The following TUT4 variants were observed in gnomAD, a reference collection of about 807,000 sequenced individuals.
TUT4 encodes terminal uridylyltransferase 4.
Under a neutral mutation model 192.2 loss-of-function variants are expected in TUT4, and 36 were observed. The observed-to-expected ratio is 0.19, with a 90% CI of 0.14 to 0.25. The LOEUF (loss-of-function observed/expected upper bound fraction) is 0.25. Among genes scored for constraint, TUT4 ranks in the 10% least tolerant of loss-of-function variants. The pLI is 1.00. For synonymous variants in TUT4, 618 were observed against 666.0 expected (o/e 0.93, Z 1.11); for missense variants, 1,493 against 1,957.2 (o/e 0.76, Z 4.47).
intron 1 of TUT4, among the ~76,000 whole-genome samples, chr1:52,543,976 C>G (rs189905472): frequency 6.6e-6 from 1 of 152,080 alleles, no homozygotes; most frequent in East Asian, 1.9e-4. Context: ...ACTTCCTAGT[C>G]GCAAAACTTA....
At chr1:52,479,559 C>T (rs1055214176) in intron 11 of TUT4, among the ~76,000 whole-genome samples, 4 of 151,972 alleles carry the variant, frequency 2.6e-5, no homozygotes, top group African/African-American at 9.7e-5. Context: ...AGGATGACTC[C>T]AAGGTTAACC....
intron 2 of TUT4, among the ~76,000 whole-genome samples, chr1:52,523,194 T>C (rs926499507): frequency 6.6e-6 from 1 of 151,642 alleles, no homozygotes; most frequent in Non-Finnish European, 1.5e-5. Flanking sequence ...GATTTCACCA[T>C]GTTGGCCAGG....
At chr1:52,490,609 A>T in intron 8 of TUT4, 123 bp downstream of exon 8, 2 of 668,238 alleles carry the variant, frequency 3.0e-6, no homozygotes, top group Non-Finnish European at 4.9e-6. Flanking sequence ...AATAGAAACT[A>T]GCTTAGTCAT....
At chr1:52,458,484 A>C (rs1203445389) in intron 19 of TUT4, 35 bp from the exon 20 acceptor site, 2 of 1,490,054 alleles carry the variant, frequency 1.3e-6, no homozygotes, top group South Asian at 2.3e-5. Context: ...AAAACTTCAG[A>C]GTCTTACTCC....
At chr1:52,495,052 G>A (rs1223916732) in intron 6 of TUT4, among the ~76,000 whole-genome samples, 1 of 152,032 alleles carries the variant, frequency 6.6e-6, no homozygotes, top group Non-Finnish European at 1.5e-5. Context: ...TTTTGGAAAT[G>A]AGAAAACTGA....
chr1:52,476,608 AT>A (rs1285468756), intron 12 of TUT4, among the ~76,000 whole-genome samples: 1 of 152,002 alleles, frequency 6.6e-6, no homozygotes, highest in Admixed American at 6.6e-5. Context: ...CTTTAAAAAG[AT>A]TTTTCTACTT....
At chr1:52,528,178 C>CAAAAAAAAA (rs1557967335) in intron 1 of TUT4, among the ~76,000 whole-genome samples, 5 of 143,370 alleles carry the variant, frequency 3.5e-5, no homozygotes, top group African/African-American at 7.8e-5. Context: ...GACTCCATCT[C>CAAAAAAAAA]GAAAAAAATA....
At chr1:52,539,696 G>GTCAGAGT (rs1269621240) in intron 1 of TUT4, among the ~76,000 whole-genome samples, 1 of 151,322 alleles carries the variant, frequency 6.6e-6, no homozygotes, top group African/African-American at 2.4e-5. Context: ...AGGTCCTGAG[G>GTCAGAGT]TCAGAGTTTG....
intron 1 of TUT4, among the ~76,000 whole-genome samples, chr1:52,537,666 A>C (rs1558002411): frequency 6.6e-6 from 1 of 152,160 alleles, no homozygotes; most frequent in Non-Finnish European, 1.5e-5. Flanking sequence ...TAATCTCAGC[A>C]CTTCGAGAGG....
In TUT4 at chr1:52,495,414, T is replaced by C. The variant is rs773191390; in HGVS notation, c.1266+13A>G. 1 of 1,526,064 alleles carries C rather than the reference T, an allele frequency of 6.6e-7. No individual in the cohort carries two copies. Among genetic ancestry groups the C allele is most frequent in the South Asian group, 1.2e-5 (1 of 86,492 alleles). The allele number at this position is 1,526,064 out of a possible 1,614,324, so 94.5% of individuals were successfully genotyped here. A position where few individuals can be genotyped will look rare whatever the true frequency, so the allele number is the denominator to read the frequency against. Reference sequence around the variant, plus strand: ...TAGTTAAGAACCACACAGGAAAGATTCTAATTACTTACCTTGGGAGGAAAT... The same window carrying C: ...TAGTTAAGAACCACACAGGAAAGATCCTAATTACTTACCTTGGGAGGAAAT... On this transcript the variant is annotated intron_variant, in intron 6 of 29. Coordinates refer to ENST00000257177, the MANE Select transcript of TUT4 (RefSeq NM_001009881.3).
At chr1:52,523,520 G>C (rs1351941894) in intron 2 of TUT4, among the ~76,000 whole-genome samples, 1 of 151,830 alleles carries the variant, frequency 6.6e-6, no homozygotes, top group Non-Finnish European at 1.5e-5. Flanking sequence ...TTGAACGTGG[G>C]AGGCAGAAGT....
intron 4 of TUT4, among the ~76,000 whole-genome samples, chr1:52,505,449 T>A (rs532505206): frequency 7.4e-6 from 1 of 135,078 alleles, no homozygotes; most frequent in East Asian, 2.1e-4. Flanking sequence ...TGAGACAGAG[T>A]ATCACTCTGC....
At chr1:52,552,369 G>C (rs575330545) in intron 1 of TUT4, among the ~76,000 whole-genome samples, 1 of 152,126 alleles carries the variant, frequency 6.6e-6, no homozygotes, top group South Asian at 2.1e-4. Flanking sequence ...CTGGGGGGCG[G>C]GGGAGAGAGA....
In TUT4 at chr1:52,495,550, G is replaced by C. The variant is rs1156889938; in HGVS notation, c.1178-35C>G. 2.0e-6 allele frequency: 3 copies of C among 1,493,470 alleles called. No individual in the cohort carries two copies. In the South Asian group the frequency reaches 3.6e-5, roughly 18 times the overall value. The allele number at this position is 1,493,470 out of a possible 1,614,324, so 92.5% of individuals were successfully genotyped here. A position where few individuals can be genotyped will look rare whatever the true frequency, so the allele number is the denominator to read the frequency against. On this transcript the variant is annotated intron_variant, in intron 5 of 29. Coordinates refer to ENST00000257177, the MANE Select transcript of TUT4 (RefSeq NM_001009881.3). ...AGGAAAAACATCAAAGCATGAAATA[G>C]CATGCAAATATGAGAGATGTAAAAA...
Position 52,457,262 on chromosome 1 carries a change from T to C in TUT4, c.3435+1074A>G, listed in dbSNP as rs929338915. On this transcript the variant is annotated intron_variant, in intron 20 of 29. Coordinates refer to ENST00000257177, the MANE Select transcript of TUT4 (RefSeq NM_001009881.3). ...TTTTCTTTTTTTTTTTGAGATGGAC[T>C]CTCCCTCTCTGTCACCAGGCTGGAG... 4.6e-5 allele frequency among the ~76,000 whole-genome samples: 7 copies of C among 151,738 alleles called. No individual in the cohort carries two copies. In the East Asian group the frequency reaches 1.4e-3, roughly 29 times the overall value.
Position 52,481,324 on chromosome 1 carries a change from G to A in TUT4, c.1848+99C>T, listed in dbSNP as rs149771977. On this transcript the variant is annotated intron_variant, in intron 11 of 29. Transcript: ENST00000257177. ...TGAGGAAAATGAGGCCAAGAGGCTT[G>A]CTCAAGGTCAGTCAATCTACAATTA... is the stretch of plus-strand genomic sequence containing the variant. 161 of 1,301,122 alleles carry A rather than the reference G, an allele frequency of 1.2e-4. 1 individual carries two copies. The African/African-American group carries it at 1.8e-3, about 15-fold the overall frequency. The allele number at this position is 1,301,122 out of a possible 1,614,324, so 80.6% of individuals were successfully genotyped here. A position where few individuals can be genotyped will look rare whatever the true frequency, so the allele number is the denominator to read the frequency against.
At chr1:52,540,596 T>C (rs564134332) in intron 1 of TUT4, among the ~76,000 whole-genome samples, 3 of 152,298 alleles carry the variant, frequency 2.0e-5, no homozygotes, top group African/African-American at 4.8e-5. Context: ...CCTTACACAT[T>C]TGTGAAGTTA....
In TUT4 at chr1:52,490,741, T is replaced by C; in HGVS notation, c.1379A>G (p.Asp460Gly). Residue 460 changes from aspartate (D) to glycine (G), a missense_variant, in exon 8 of 30, where the codon GAT becomes GGT. Around this residue, in one of 7 missense-constraint regions of TUT4, gnomAD observed 437 missense variants for 577.6 expected, o/e 0.76. Transcript: ENST00000257177. ...CTTCATTGTTACCAACCTTTTTCGA[T>C]CTCTGCACACCACAACAGGAACTTT... ...HAKVPVVVCR[D>G]RKSGLLCRVS... 6.2e-7 allele frequency: 1 copy of C among 1,609,166 alleles called. No homozygotes were observed. The highest frequency in any genetic ancestry group is 8.5e-7 in the Non-Finnish European group (1 of 1,178,124).
chr1:52,495,604 C>T, intron 5 of TUT4, 89 bp from the exon 6 acceptor site: 1 of 821,980 alleles, frequency 1.2e-6, no homozygotes, highest in East Asian at 2.7e-5. Flanking sequence ...TCACACACTT[C>T]AGTTCTACGT....
Sources: gnomAD v4.1 joint callset for allele counts (sites outside exome capture counted in the v4.1 genomes callset) on GRCh38, gnomAD v4.1.1 for gene constraint, gnomAD v4.1.1 regional missense constraint, MANE v1.5 for transcripts, NCBI Gene and HGNC (gene_info 2026-07-23, HGNC 2026-07-21) for gene names.